Variants in LIMK1 observed in about 807,000 individuals in gnomAD.
The protein encoded by LIMK1 is LIM motif-containing protein kinase.
Under a neutral mutation model 77.6 loss-of-function variants are expected in LIMK1, and 21 were observed. That is an observed-to-expected ratio of 0.27 (90% CI 0.19 to 0.39). LIMK1 has a LOEUF of 0.39. Ranked by LOEUF, LIMK1 falls within the 10% of genes least tolerant of loss-of-function variation. The pLI is 1.00. For synonymous variants in LIMK1, 358 were observed against 370.0 expected (o/e 0.97, Z 0.37); for missense variants, 696 against 901.6 (o/e 0.77, Z 2.92).
At chr7:74,095,598 G>T (rs565186890) in intron 2 of LIMK1, among the ~76,000 whole-genome samples, 71 of 152,092 alleles carry the variant, frequency 4.7e-4, no homozygotes, top group Non-Finnish European at 7.9e-4. Context: ...AAGAGATGGG[G>T]TCTTACTGTG....
At chr7:74,117,480 A>G (rs1169195825) in intron 13 of LIMK1, among the ~76,000 whole-genome samples, 2 of 152,120 alleles carry the variant, frequency 1.3e-5, no homozygotes, top group Non-Finnish European at 2.9e-5. Context: ...TTTGGGGATC[A>G]TAGTTCTGCC....
intron 12 of LIMK1, 196 bp from the exon 13 acceptor site, chr7:74,115,606 A>T: frequency 1.7e-6 from 1 of 574,146 alleles, no homozygotes; most frequent in Non-Finnish European, 3.1e-6. Flanking sequence ...TGCTATCTTC[A>T]GGTGCTTCCC....
At position 74,108,915 on chromosome 7, in the gene LIMK1, T is replaced by C. The variant is rs1584124324; in HGVS notation, c.1163T>C (p.Met388Thr). ...TTTGTGCCCCGCCAGGTGAAGGTCA[T>C]GCGATGCCTGGAACACCCCAACGTG... is the stretch of plus-strand genomic sequence containing the variant. ...QRTFLKEVKV[M>T]RCLEHPNVLK... is the part of the protein sequence containing the mutation. Residue 388 changes from methionine to threonine, a missense_variant, in exon 10 of 16, where the codon ATG becomes ACG. Physicochemically the swap from Met to Thr is moderately conservative, Grantham distance 81. Transcript: ENST00000336180. The C allele has an allele frequency of 1.9e-6, 3 of 1,613,726 alleles. No individual in the cohort carries two copies. Among genetic ancestry groups the C allele is most frequent in the African/African-American group, 1.3e-5 (1 of 74,996 alleles).
intron 2 of LIMK1, among the ~76,000 whole-genome samples, chr7:74,090,766 G>T (rs1554694660): frequency 6.6e-6 from 1 of 152,202 alleles, no homozygotes; most frequent in Non-Finnish European, 1.5e-5. Flanking sequence ...TGGGGAGGTG[G>T]CCAGTGATTT....
intron 9 of LIMK1, 133 bp downstream of exon 9, chr7:74,108,090 G>A (rs533165161): frequency 1.9e-5 from 13 of 677,942 alleles, no homozygotes; most frequent in African/African-American, 1.8e-4. Context: ...AGTGGCTCAC[G>A]CCTGTAATCC....
At chr7:74,100,432 TC>T (rs1799431887) in intron 5 of LIMK1, among the ~76,000 whole-genome samples, 2 of 152,130 alleles carry the variant, frequency 1.3e-5, no homozygotes. Context: ...ATTGGTCACT[TC>T]TTTTTTTTTG....
At chr7:74,105,651 C>T (rs1465103411) in intron 5 of LIMK1, among the ~76,000 whole-genome samples, 1 of 152,128 alleles carries the variant, frequency 6.6e-6, no homozygotes, top group African/African-American at 2.4e-5. Flanking sequence ...TGCCTACAAG[C>T]GTGCCACCTT....
At chr7:74,095,259 G>A (rs910780186) in intron 2 of LIMK1, among the ~76,000 whole-genome samples, 1 of 152,062 alleles carries the variant, frequency 6.6e-6, no homozygotes, top group Non-Finnish European at 1.5e-5. Context: ...CTGTGTGACC[G>A]ACACATAGCA....
chr7:74,095,188 C>G (rs1313196498), intron 2 of LIMK1, among the ~76,000 whole-genome samples: 1 of 152,166 alleles, frequency 6.6e-6, no homozygotes, highest in Non-Finnish European at 1.5e-5. Context: ...ATCCAGGTCC[C>G]AGTCTTTCCT....
At chr7:74,087,226 C>T (rs1799151494) in intron 2 of LIMK1, among the ~76,000 whole-genome samples, 1 of 151,968 alleles carries the variant, frequency 6.6e-6, no homozygotes, top group South Asian at 2.1e-4. Context: ...AATATGGCAA[C>T]ACCCTGTCTC....
rs1554696100 is a variant in LIMK1, at chr7:74,099,092, C to T, written c.462C>T (p.Ser154=). 1.2e-6 allele frequency: 2 copies of T among 1,613,346 alleles called. No homozygotes were observed. The highest frequency in any genetic ancestry group is 1.7e-5 in the Admixed American group (1 of 59,984). The change falls in exon 5 of 16, where the codon TCC becomes TCT. Residue 154 remains serine, a synonymous_variant. Coordinates refer to ENST00000336180, the MANE Select transcript of LIMK1 (RefSeq NM_002314.4). ...TPVIEQILPD[S]PGSHLPHTVT... is the part of the protein sequence containing the mutation. Reference sequence around the variant, plus strand: ...TCATCGAGCAGATCCTGCCTGACTCCCCTGGCTCCCACCTGCCCCACACCG... The same window carrying T: ...TCATCGAGCAGATCCTGCCTGACTCTCCTGGCTCCCACCTGCCCCACACCG...
intron 5 of LIMK1, among the ~76,000 whole-genome samples, chr7:74,102,018 CT>C (rs1410321755): frequency 6.6e-6 from 1 of 152,084 alleles, no homozygotes; most frequent in African/African-American, 2.4e-5. Context: ...GAGACTGAGT[CT>C]TGCTGTGTCG....
chr7:74,087,933 G>A (rs1799163103), intron 2 of LIMK1, among the ~76,000 whole-genome samples: 1 of 149,122 alleles, frequency 6.7e-6, no homozygotes, highest in Admixed American at 6.7e-5. Context: ...TTTTACACAG[G>A]GTCTTGCTGT....
chr7:74,115,843 C>T lies in LIMK1; in HGVS notation c.1452C>T (p.Leu484=), dbSNP rs371031304. Residue 484 remains leucine (L), a synonymous_variant, in exon 13 of 16, where the codon CTC becomes CTT. Transcript: ENST00000336180. ...VVVADFGLAR[L]MVDEKTQPEG... ...TGGCTGACTTCGGGCTGGCGCGTCT[C>T]ATGGTGGACGAGAAGACTCAGCCTG... 4 of 1,614,050 alleles carry T rather than the reference C, an allele frequency of 2.5e-6. No homozygotes were observed. Among genetic ancestry groups the T allele is most frequent in the Non-Finnish European group, 3.4e-6 (4 of 1,180,032 alleles).
rs1554696132 is a variant in LIMK1, at chr7:74,099,157, G to A, written c.527G>A (p.Arg176His). ...VSIPASSHGK[R>H]GLSVSIDPPH... ...ATCCCAGCCTCATCTCATGGCAAGC[G>A]TGGACTTTCAGTCTCCATTGACCCC... Residue 176 changes from arginine (R) to histidine (H), a missense_variant, in exon 5 of 16, where the codon CGT becomes CAT. By Grantham distance (29) the Arg-to-His change is conservative. This residue lies in a region of LIMK1 where 252 missense variants were observed against 279.4 expected (regional missense o/e 0.90). Transcript: ENST00000336180. 10 of 1,613,282 alleles carry A rather than the reference G, an allele frequency of 6.2e-6. No homozygotes were observed. Among genetic ancestry groups the A allele is most frequent in the Admixed American group, 5.0e-5 (3 of 59,986 alleles).
intron 7 of LIMK1, 31 bp downstream of exon 7, chr7:74,106,274 G>T: frequency 6.3e-7 from 1 of 1,577,104 alleles, no homozygotes; most frequent in Middle Eastern, 1.8e-4. Context: ...GTTCAGCTGG[G>T]TGCTTTCACT....
At chr7:74,119,063 T>G (rs1277289015) in intron 13 of LIMK1, among the ~76,000 whole-genome samples, 3 of 150,582 alleles carry the variant, frequency 2.0e-5, no homozygotes, top group Admixed American at 6.6e-5. Context: ...GCCTGGCTAA[T>G]TTTTTGTATT....
chr7:74,121,375 G>A lies in LIMK1; in HGVS notation c.*74G>A. 9.3e-6 allele frequency: 13 copies of A among 1,394,066 alleles called. No homozygotes were observed. Among genetic ancestry groups the A allele is most frequent in the Non-Finnish European group, 1.2e-5 (13 of 1,044,738 alleles). The allele number at this position is 1,394,066 out of a possible 1,614,324, so 86.4% of individuals were successfully genotyped here. On this transcript the variant is annotated 3_prime_UTR_variant, in exon 16 of 16. Coordinates refer to ENST00000336180, the MANE Select transcript of LIMK1 (RefSeq NM_002314.4). ...CCACCAGATTCCTCCGCGGGAGGTG[G>A]CCCTCAGCTGGGACAGTGGGGACCC... is the stretch of plus-strand genomic sequence containing the variant.
chr7:74,111,613 C>T, intron 10 of LIMK1, 35 bp from the exon 11 acceptor site: 1 of 1,586,564 alleles, frequency 6.3e-7, no homozygotes, highest in Non-Finnish European at 8.6e-7. Context: ...GGGGCCCCCA[C>T]CGGCCCCACC....
Sources: allele counts gnomAD v4.1 joint callset (sites outside exome capture counted in the v4.1 genomes callset), GRCh38; gene constraint gnomAD v4.1.1; regional missense constraint gnomAD v4.1.1; transcripts MANE v1.5; gene names NCBI Gene and HGNC (gene_info 2026-07-23, HGNC 2026-07-21).